The following BACH1 variants were observed in gnomAD, a reference collection of about 807,000 sequenced individuals.
BACH1 encodes the protein BTB domain and CNC homolog 1, also known as transcription regulator protein BACH1.
Under a neutral mutation model 52.9 loss-of-function variants are expected in BACH1, and 35 were observed. The ratio of observed to expected loss-of-function variants is 0.66; its 90% confidence interval spans 0.51 to 0.88. BACH1 has a LOEUF of 0.88. BACH1 is among the 40% of genes least tolerant of loss of function. BACH1 has a pLI of 0.00. For missense variants in BACH1, 808 were observed against 872.6 expected (o/e 0.93, Z 0.93); for synonymous variants, 321 against 319.6 (o/e 1.00, Z -0.05).
chr21:29,346,483 G>T (rs905766265), downstream of BACH1, among the ~76,000 whole-genome samples: 6 of 152,304 alleles, frequency 3.9e-5, no homozygotes, highest in South Asian at 4.1e-4. Context: ...TTCTGACCAA[G>T]CTTTGGGCAG....
At chr21:29,312,313 C>G (rs1243858043) in intron 1 of BACH1, among the ~76,000 whole-genome samples, 1 of 152,156 alleles carries the variant, frequency 6.6e-6, no homozygotes, top group Non-Finnish European at 1.5e-5. Flanking sequence ...CCATTAGTTG[C>G]TCATCTTAGA....
chr21:29,358,034 C>T (rs2089245566), intron 2 of BACH1, among the ~76,000 whole-genome samples: 1 of 152,180 alleles, frequency 6.6e-6, no homozygotes, highest in South Asian at 2.1e-4. Flanking sequence ...ACTTCTTCTG[C>T]CCTTTCCTTA....
chr21:29,320,033 G>C (rs2088830363), intron 1 of BACH1, among the ~76,000 whole-genome samples: 1 of 152,128 alleles, frequency 6.6e-6, no homozygotes, highest in Non-Finnish European at 1.5e-5. Context: ...ATTTCGTGTG[G>C]TATGCTGAAT....
Position 29,342,536 on chromosome 21 carries a change from C to CG in BACH1, c.1915dup (p.Ala639GlyfsTer16). On this transcript the variant is annotated frameshift_variant, in exon 5 of 5. Coordinates refer to ENST00000286800, the MANE Select transcript of BACH1 (RefSeq NM_001186.4). LOFTEE classifies it low-confidence loss of function (END_TRUNC). ...TGAGTCAAGAACAAATACAGATACT[C>CG]GCCAAGTACTCAGCTGCAGATTGCC... 2.5e-6 allele frequency: 4 copies of CG among 1,614,208 alleles called. No homozygotes were observed. The highest frequency in any genetic ancestry group is 3.4e-6 in the Non-Finnish European group (4 of 1,180,032).
At chr21:29,353,431 A>G (rs2089215054) in intron 2 of BACH1, among the ~76,000 whole-genome samples, 2 of 152,182 alleles carry the variant, frequency 1.3e-5, no homozygotes. Flanking sequence ...CACTAGCCAC[A>G]TGCCACGTGT....
At chr21:29,330,983 C>A (rs1052838721) in intron 4 of BACH1, among the ~76,000 whole-genome samples, 1 of 151,006 alleles carries the variant, frequency 6.6e-6, no homozygotes, top group African/African-American at 2.4e-5. Flanking sequence ...ACCCAAACAC[C>A]GACATGATAT....
chr21:29,321,875 T>C (rs2088852370), intron 2 of BACH1, among the ~76,000 whole-genome samples: 1 of 152,100 alleles, frequency 6.6e-6, no homozygotes, highest in African/African-American at 2.4e-5. Flanking sequence ...TCAGCAATTG[T>C]AGCTATGTGT....
At chr21:29,306,790 A>G (rs2088662893) in intron 1 of BACH1, among the ~76,000 whole-genome samples, 1 of 152,168 alleles carries the variant, frequency 6.6e-6, no homozygotes, top group Non-Finnish European at 1.5e-5. Flanking sequence ...TTTTCCTCTT[A>G]TATGCCATTT....
intron 2 of BACH1, among the ~76,000 whole-genome samples, chr21:29,324,556 T>TTGTGTGTGTGTGTG (rs59785894): frequency 4.8e-5 from 7 of 145,326 alleles, no homozygotes; most frequent in South Asian, 2.2e-4. Context: ...TGGATGTACC[T>TTGTGTGTGTGTGTG]TGTGTGTGTG....
At chr21:29,331,207 A>G (rs992650295) in intron 4 of BACH1, among the ~76,000 whole-genome samples, 25 of 152,144 alleles carry the variant, frequency 1.6e-4, no homozygotes, top group African/African-American at 5.8e-4. Context: ...TGCTTTTTAC[A>G]CTGTTAGGTT....
chr21:29,361,517 G>A (rs746765944), intron 2 of BACH1: 4 of 152,054 alleles, frequency 2.6e-5, no homozygotes, highest in African/African-American at 4.8e-5. Context: ...TGGCTTTGCA[G>A]ACCTTGCTGC....
chr21:29,361,295 C>T (rs1858696669), intron 2 of BACH1: 1 of 152,188 alleles, frequency 6.6e-6, no homozygotes, highest in Admixed American at 6.5e-5. Flanking sequence ...TTTGCACCTG[C>T]TCCACCAACA....
At chr21:29,355,148 A>G (rs2089226121) in intron 2 of BACH1, among the ~76,000 whole-genome samples, 1 of 152,178 alleles carries the variant, frequency 6.6e-6, no homozygotes, top group Admixed American at 6.5e-5. Flanking sequence ...TCCATTTTAC[A>G]GAGCACTGAT....
At chr21:29,358,887 G>A (rs964046077) in intron 2 of BACH1, 1 of 152,026 alleles carries the variant, frequency 6.6e-6, no homozygotes, top group Non-Finnish European at 1.5e-5. Context: ...AATAAAAAAT[G>A]AGGGGGAGTG....
chr21:29,327,865 A>G (rs1183319596), intron 3 of BACH1, among the ~76,000 whole-genome samples: 2 of 152,228 alleles, frequency 1.3e-5, no homozygotes, highest in Non-Finnish European at 2.9e-5. Context: ...AAAGAGAGAG[A>G]TGAAGTTTGA....
intron 2 of BACH1, among the ~76,000 whole-genome samples, chr21:29,355,214 G>T (rs527985253): frequency 6.6e-5 from 10 of 152,222 alleles, no homozygotes; most frequent in Admixed American, 2.0e-4. Flanking sequence ...TGATTGGTGC[G>T]TTTACAAACC....
intron 4 of BACH1, among the ~76,000 whole-genome samples, chr21:29,339,295 G>T (rs576437759): frequency 6.9e-4 from 105 of 152,156 alleles, no homozygotes; most frequent in African/African-American, 2.5e-3. Context: ...CAGCTTTTGG[G>T]TTTTTTCCAG....
intron 1 of BACH1, among the ~76,000 whole-genome samples, chr21:29,311,506 G>A (rs1159451948): frequency 1.3e-5 from 2 of 151,892 alleles, no homozygotes; most frequent in African/African-American, 2.4e-5. Flanking sequence ...TATGTGCAAT[G>A]TTTACTGGTT....
intron 2 of BACH1, among the ~76,000 whole-genome samples, chr21:29,324,168 C>T (rs1249760355): frequency 1.3e-5 from 2 of 148,514 alleles, no homozygotes; most frequent in South Asian, 2.1e-4. Flanking sequence ...AGGAGAATCA[C>T]TTGCAGTGAG....
Sources: allele counts gnomAD v4.1 joint callset (sites outside exome capture counted in the v4.1 genomes callset), GRCh38; gene constraint gnomAD v4.1.1; transcripts MANE v1.5; gene names NCBI Gene and HGNC (gene_info 2026-07-23, HGNC 2026-07-21).